Variants in CDH12 observed in about 807,000 individuals in gnomAD.
The protein encoded by CDH12 is cadherin 12.
CDH12 carries 41 observed loss-of-function variants against 74.1 expected under a neutral mutation model. That is an observed-to-expected ratio of 0.55 (90% CI 0.43 to 0.72). The LOEUF is 0.72. CDH12 is among the 30% of genes least tolerant of loss of function. The pLI, the probability that CDH12 is intolerant of heterozygous loss-of-function variation, is 0.00. For missense variants in CDH12, 945 were observed against 977.2 expected (o/e 0.97, Z 0.44); for synonymous variants, 399 against 355.0 (o/e 1.12, Z -1.39).
intron 6 of CDH12, among the ~76,000 whole-genome samples, chr5:21,950,785 T>C (rs1755822770): frequency 6.8e-6 from 1 of 146,490 alleles, no homozygotes; most frequent in African/African-American, 2.5e-5. Flanking sequence ...ATTATTATTA[T>C]TATTATTATT....
intron 6 of CDH12, among the ~76,000 whole-genome samples, chr5:21,876,287 C>G (rs963767471): frequency 1.3e-5 from 2 of 152,148 alleles, no homozygotes; most frequent in Non-Finnish European, 2.9e-5. Context: ...GACTCTCCCC[C>G]TGAGTCTCTG....
chr5:21,932,976 T>A (rs1409184186), intron 6 of CDH12, among the ~76,000 whole-genome samples: 1 of 150,978 alleles, frequency 6.6e-6, no homozygotes, highest in Non-Finnish European at 1.5e-5. Flanking sequence ...TTGTATCTAG[T>A]ATCTCAGGAA....
At chr5:21,890,166 CTTTT>C in intron 6 of CDH12, among the ~76,000 whole-genome samples, 1 of 151,964 alleles carries the variant, frequency 6.6e-6, no homozygotes, top group Admixed American at 6.6e-5. Context: ...GTATTTCTTT[CTTTT>C]GTCAGGATCT....
chr5:21,902,416 T>C (rs185373315), intron 6 of CDH12, among the ~76,000 whole-genome samples: 1 of 152,044 alleles, frequency 6.6e-6, no homozygotes, highest in Non-Finnish European at 1.5e-5. Context: ...GTGGATTAAG[T>C]ACCATGCAGA....
At chr5:22,818,010 G>C (rs547023286) in intron 1 of CDH12, among the ~76,000 whole-genome samples, 6 of 152,246 alleles carry the variant, frequency 3.9e-5, no homozygotes, top group African/African-American at 1.2e-4. Flanking sequence ...GTTGTGTAGT[G>C]TGTGGGTCGT....
chr5:22,734,061 T>C (rs754692576), intron 1 of CDH12, among the ~76,000 whole-genome samples: 1 of 151,942 alleles, frequency 6.6e-6, no homozygotes, highest in East Asian at 1.9e-4. Context: ...GTCGACTAGC[T>C]GTGTGACTTT....
At chr5:21,871,288 C>G (rs1260963959) in intron 6 of CDH12, among the ~76,000 whole-genome samples, 1 of 152,104 alleles carries the variant, frequency 6.6e-6, no homozygotes, top group African/African-American at 2.4e-5. Context: ...TGGTCTCAAG[C>G]AAATTTATCT....
intron 5 of CDH12, among the ~76,000 whole-genome samples, chr5:22,007,286 T>C (rs1737022074): frequency 1.3e-5 from 2 of 152,294 alleles, no homozygotes; most frequent in South Asian, 2.1e-4. Context: ...AATAGCAATG[T>C]ATTGTATAGA....
At chr5:22,795,055 A>G (rs1293042757) in intron 1 of CDH12, among the ~76,000 whole-genome samples, 1 of 152,178 alleles carries the variant, frequency 6.6e-6, no homozygotes, top group African/African-American at 2.4e-5. Flanking sequence ...ATGCATGTCC[A>G]TGTTATTGTA....
In CDH12 at chr5:22,384,667, T is replaced by G. The variant is rs759370585; in HGVS notation, c.-333+20590A>C. On this transcript the variant is annotated intron_variant, in intron 3 of 14. Transcript: ENST00000382254. ...AACAACAGCTAGACTATTAGAGATC[T>G]TGGCATGAATTCACAAGTTTTTAAG... Among the ~76,000 whole-genome samples the G allele has an allele frequency of 9.2e-4, 140 of 152,176 alleles. 3 individuals are homozygous for G. The highest frequency in any genetic ancestry group is 2.0e-4 in the Admixed American group (3 of 15,276).
intron 1 of CDH12, among the ~76,000 whole-genome samples, chr5:22,696,234 G>A (rs1252117443): frequency 2.0e-5 from 3 of 152,054 alleles, no homozygotes; most frequent in African/African-American, 7.2e-5. Context: ...AGCCGGGCGT[G>A]GTGGCGGGCA....
chr5:22,626,770 T>C (rs776218545), intron 1 of CDH12, among the ~76,000 whole-genome samples: 1 of 152,010 alleles, frequency 6.6e-6, no homozygotes, highest in Non-Finnish European at 1.5e-5. Context: ...ATGACAGACA[T>C]AGAATTCAGA....
At chr5:21,860,202 A>G (rs1314342211) in intron 6 of CDH12, among the ~76,000 whole-genome samples, 1 of 152,084 alleles carries the variant, frequency 6.6e-6, no homozygotes, top group Non-Finnish European at 1.5e-5. Flanking sequence ...ATACATTTGT[A>G]CTAAGAAAAA....
At chr5:22,034,486 T>C (rs1739035390) in intron 5 of CDH12, among the ~76,000 whole-genome samples, 1 of 152,156 alleles carries the variant, frequency 6.6e-6, no homozygotes, top group Non-Finnish European at 1.5e-5. Context: ...AAAAATACCA[T>C]ACTAGGAACT....
At chr5:21,928,613 G>GT (rs1027588881) in intron 6 of CDH12, among the ~76,000 whole-genome samples, 18 of 152,202 alleles carry the variant, frequency 1.2e-4, no homozygotes, top group African/African-American at 3.6e-4. Flanking sequence ...TTGTGTCACT[G>GT]TTTTTTTAAG....
chr5:22,081,023 C>G (rs1742690559), intron 4 of CDH12, among the ~76,000 whole-genome samples: 1 of 152,124 alleles, frequency 6.6e-6, no homozygotes, highest in Non-Finnish European at 1.5e-5. Context: ...TCATGATCCA[C>G]CTGCCTCAGC....
chr5:21,944,328 C>A (rs141426969), intron 6 of CDH12, among the ~76,000 whole-genome samples: 1 of 152,036 alleles, frequency 6.6e-6, no homozygotes, highest in African/African-American at 2.4e-5. Flanking sequence ...AACTGAAAAA[C>A]CATAGTCAAT....
chr5:21,825,276 T>C (rs536926496), intron 8 of CDH12, among the ~76,000 whole-genome samples: 1 of 152,298 alleles, frequency 6.6e-6, no homozygotes, highest in East Asian at 1.9e-4. Flanking sequence ...CTCTGCTATG[T>C]AGTATCTATT....
chr5:22,460,317 T>C (rs1745447125), intron 2 of CDH12, among the ~76,000 whole-genome samples: 1 of 152,230 alleles, frequency 6.6e-6, no homozygotes, highest in Non-Finnish European at 1.5e-5. Flanking sequence ...TGCCTGTTTA[T>C]ACCCTGTGAC....
Sources: allele counts gnomAD v4.1 joint callset (sites outside exome capture counted in the v4.1 genomes callset), GRCh38; gene constraint gnomAD v4.1.1; transcripts MANE v1.5; gene names NCBI Gene and HGNC (gene_info 2026-07-23, HGNC 2026-07-21).